The following MAST2 variants were observed in gnomAD, a reference collection of about 807,000 sequenced individuals.
MAST2 encodes the protein microtubule-associated serine/threonine-protein kinase 2.
In MAST2, 70 loss-of-function variants were observed where a neutral mutation model predicts 147.4. That is an observed-to-expected ratio of 0.47 (90% CI 0.39 to 0.58). MAST2 has a LOEUF of 0.58. Ranked by LOEUF, MAST2 falls within the 20% of genes least tolerant of loss-of-function variation. The pLI is 0.00. For synonymous variants in MAST2, 869 were observed against 896.8 expected, an observed-to-expected ratio of 0.97 and a Z score of 0.55; for missense variants, 2,080 against 2,302.3, an observed-to-expected ratio of 0.90 and a Z score of 1.98.
intron 3 of MAST2, among the ~76,000 whole-genome samples, chr1:45,871,066 C>T (rs545269228): frequency 7.7e-6 from 1 of 130,622 alleles, no homozygotes; most frequent in African/African-American, 3.0e-5. Flanking sequence ...AAATGGCATA[C>T]AGTAGGTTTT....
intron 3 of MAST2, chr1:45,865,133 G>A: frequency 2.2e-6 from 1 of 456,512 alleles, no homozygotes; most frequent in Non-Finnish European, 4.4e-6. Context: ...GAAGGAGAGG[G>A]TTACAGGTGA....
chr1:45,895,048 G>A (rs184314361), intron 4 of MAST2, among the ~76,000 whole-genome samples: 3 of 152,284 alleles, frequency 2.0e-5, no homozygotes, highest in Admixed American at 1.3e-4. Flanking sequence ...TATTCCTTCT[G>A]TAGTTTTGCA....
intron 4 of MAST2, among the ~76,000 whole-genome samples, chr1:45,926,306 G>A (rs1345233812): frequency 1.3e-5 from 2 of 152,162 alleles, no homozygotes; most frequent in African/African-American, 2.4e-5. Context: ...TGGTTATTTT[G>A]CTGCTTCCAT....
Position 46,002,812 on chromosome 1 carries a change from G to T in MAST2, c.676G>T (p.Gly226Trp), listed in dbSNP as rs1221865194. 2 of 1,614,152 alleles carry T rather than the reference G, an allele frequency of 1.2e-6. No homozygotes were observed. Among genetic ancestry groups the T allele is most frequent in the Non-Finnish European group, 1.7e-6 (2 of 1,180,000 alleles). The change falls in exon 7 of 29, where the codon GGG (glycine) becomes TGG (tryptophan). Residue 226 changes from glycine (G) to tryptophan (W), a missense_variant. This residue lies in a region of MAST2 where 569 missense variants were observed against 642.5 expected (regional missense o/e 0.89). Transcript: ENST00000361297. ...ACTTTTTCTTGCATACAGGACTGAT[G>T]GGCGGCGCTGGTCTTTGGCCTCTTT... is the stretch of plus-strand genomic sequence containing the variant. Reference protein sequence around the residue: ...FSFVPARRTDGRRWSLASLPS... With the variant: ...FSFVPARRTDWRRWSLASLPS...
chr1:46,034,771 G>C lies in MAST2; in HGVS notation c.4102G>C (p.Gly1368Arg). 1.2e-6 allele frequency: 2 copies of C among 1,613,672 alleles called. No individual in the cohort carries two copies. The highest frequency in any genetic ancestry group is 2.2e-5 in the South Asian group (2 of 91,064). ...TCAGCGGTCCCCATCGCCCCTGTCT[G>C]GCCATGTAGCCCAGGCCTTTCCCAC... ...SPQRSPSPLS[G>R]HVAQAFPTKL... The change falls in exon 29 of 29, where the codon GGC becomes CGC. Residue 1368 changes from glycine to arginine, a missense_variant. This residue lies in a region of MAST2 where 1,278 missense variants were observed against 1,304.2 expected (regional missense o/e 0.98). Transcript: ENST00000361297.
intron 10 of MAST2, among the ~76,000 whole-genome samples, chr1:46,014,066 TGTG>T (rs1459812742): frequency 6.6e-6 from 1 of 152,090 alleles, no homozygotes; most frequent in South Asian, 2.1e-4. Context: ...TTTAGGAAAA[TGTG>T]GTACAATTTG....
chr1:46,030,510 G>A (rs1646606022), intron 21 of MAST2, 97 bp from the exon 22 acceptor site: 4 of 1,434,902 alleles, frequency 2.8e-6, no homozygotes, highest in Non-Finnish European at 3.7e-6. Flanking sequence ...GAACCGACTG[G>A]TTCAAATTCC....
At chr1:45,901,591 G>A (rs187163667) in intron 4 of MAST2, among the ~76,000 whole-genome samples, 4 of 152,054 alleles carry the variant, frequency 2.6e-5, no homozygotes, top group African/African-American at 7.2e-5. Context: ...TCATTTTCAC[G>A]ATATTGATTC....
At chr1:45,886,420 A>G (rs1182978867) in intron 4 of MAST2, among the ~76,000 whole-genome samples, 3 of 151,826 alleles carry the variant, frequency 2.0e-5, no homozygotes, top group African/African-American at 4.8e-5. Context: ...AACATCATCT[A>G]TGCCTGCCAC....
intron 4 of MAST2, among the ~76,000 whole-genome samples, chr1:45,919,797 T>TG (rs1557906612): frequency 6.6e-6 from 1 of 151,710 alleles, no homozygotes; most frequent in African/African-American, 2.4e-5. Context: ...TCATGTTTTT[T>TG]TTTTTTTTTT....
chr1:45,930,590 G>A (rs1655138730), intron 4 of MAST2, among the ~76,000 whole-genome samples: 1 of 151,932 alleles, frequency 6.6e-6, no homozygotes, highest in Admixed American at 6.6e-5. Flanking sequence ...AGAGTAAAAG[G>A]GATGCTTTTT....
In MAST2 at chr1:46,034,058, C is replaced by A. The variant is rs764827072; in HGVS notation, c.3675-15C>A. On this transcript the variant is annotated splice_polypyrimidine_tract_variant and intron_variant, in intron 27 of 28. Coordinates refer to ENST00000361297, the MANE Select transcript of MAST2 (RefSeq NM_015112.3). Reference sequence around the variant, plus strand: ...CTCACTGCACCGACTCAGCCTTTGACCCTTATCCCCGCAGCAGAAAAAGGA... The same window carrying A: ...CTCACTGCACCGACTCAGCCTTTGAACCTTATCCCCGCAGCAGAAAAAGGA... 1 of 1,610,866 alleles carries A rather than the reference C, an allele frequency of 6.2e-7. No homozygotes were observed. The highest frequency in any genetic ancestry group is 1.1e-5 in the South Asian group (1 of 90,426).
At chr1:45,967,198 C>G (rs775395163) in intron 5 of MAST2, among the ~76,000 whole-genome samples, 2 of 151,838 alleles carry the variant, frequency 1.3e-5, no homozygotes, top group Non-Finnish European at 2.9e-5. Context: ...CTCATCCTCC[C>G]GAGTAGCTGG....
At chr1:46,014,052 GAT>G (rs1316743251) in intron 10 of MAST2, among the ~76,000 whole-genome samples, 1 of 151,952 alleles carries the variant, frequency 6.6e-6, no homozygotes, top group Non-Finnish European at 1.5e-5. Context: ...TTCATGGGAA[GAT>G]ATTTAGGAAA....
At chr1:45,851,775 G>C (rs1305638271) in intron 3 of MAST2, among the ~76,000 whole-genome samples, 2 of 151,898 alleles carry the variant, frequency 1.3e-5, no homozygotes, top group Non-Finnish European at 2.9e-5. Context: ...TACTTGAAAT[G>C]AATTACCTGA....
At chr1:45,875,089 C>T (rs1050040595) in intron 3 of MAST2, among the ~76,000 whole-genome samples, 2 of 152,124 alleles carry the variant, frequency 1.3e-5, no homozygotes, top group African/African-American at 4.8e-5. Flanking sequence ...GCCCTGTAGA[C>T]TACAGAAAGG....
At chr1:45,924,698 CCT>C (rs1305853626) in intron 4 of MAST2, among the ~76,000 whole-genome samples, 1 of 152,084 alleles carries the variant, frequency 6.6e-6, no homozygotes, top group East Asian at 1.9e-4. Context: ...AGGTTGAAGT[CCT>C]AACCCCTAGT....
intron 3 of MAST2, among the ~76,000 whole-genome samples, chr1:45,848,967 G>A (rs918774998): frequency 7.9e-5 from 12 of 152,108 alleles, no homozygotes; most frequent in Admixed American, 3.3e-4. Context: ...AATCAGGAAG[G>A]CAATCCCATT....
intron 5 of MAST2, among the ~76,000 whole-genome samples, chr1:45,961,551 C>T (rs1264987379): frequency 6.6e-6 from 1 of 152,164 alleles, no homozygotes; most frequent in Non-Finnish European, 1.5e-5. Flanking sequence ...CTGTAGACTC[C>T]AGCTTTGAGT....
Sources: gnomAD v4.1 joint callset for allele counts (sites outside exome capture counted in the v4.1 genomes callset) on GRCh38, gnomAD v4.1.1 for gene constraint, gnomAD v4.1.1 regional missense constraint, MANE v1.5 for transcripts, NCBI Gene and HGNC (gene_info 2026-07-23, HGNC 2026-07-21) for gene names.